The following LAMA2 variants were observed in gnomAD, a reference collection of about 807,000 sequenced individuals.
The protein encoded by LAMA2 is laminin subunit alpha 2.
Under a neutral mutation model 364.8 loss-of-function variants are expected in LAMA2, and 269 were observed. That is an observed-to-expected ratio of 0.74 (90% confidence interval 0.67 to 0.82). The LOEUF is 0.82. Among genes scored for constraint, LAMA2 ranks in the 40% least tolerant of loss-of-function variants. The pLI, the probability that LAMA2 is intolerant of heterozygous loss-of-function variation, is 0.00. For synonymous variants in LAMA2, 1,379 were observed against 1,370.6 expected (o/e 1.01, Z -0.14); for missense variants, 3,807 against 3,873.2 (o/e 0.98, Z 0.45).
rs1489199466 is a variant in LAMA2 at position 129,391,487 on chromosome 6, G to A, written c.5072-4G>A. ...ATTTACAAAATTTGTTTTACCCCCTGCAGCTGTAAATGAAAAAGCTATAAA... is the reference window on the plus strand; with the variant it reads ...ATTTACAAAATTTGTTTTACCCCCTACAGCTGTAAATGAAAAAGCTATAAA... On this transcript the variant is annotated splice_region_variant and splice_polypyrimidine_tract_variant and intron_variant, in intron 35 of 64. Transcript: ENST00000421865. 1.2e-6 allele frequency: 2 copies of A among 1,612,532 alleles called. No individual in the cohort carries two copies. Among genetic ancestry groups the A allele is most frequent in the African/African-American group, 2.7e-5 (2 of 74,848 alleles).
chr6:129,408,560 A>T (rs1332972265), intron 40 of LAMA2, among the ~76,000 whole-genome samples: 1 of 152,170 alleles, frequency 6.6e-6, no homozygotes, highest in Admixed American at 6.5e-5. Flanking sequence ...CATATCCAGA[A>T]TAAGTGCCTA....
chr6:129,248,477 G>A (rs911863125), intron 12 of LAMA2, among the ~76,000 whole-genome samples: 2 of 152,018 alleles, frequency 1.3e-5, no homozygotes, highest in African/African-American at 4.8e-5. Context: ...AATTCAAAAT[G>A]TATTTTATTT....
At chr6:129,466,218 G>T (rs757615300) in intron 51 of LAMA2, among the ~76,000 whole-genome samples, 8 of 151,906 alleles carry the variant, frequency 5.3e-5, no homozygotes, top group Non-Finnish European at 8.8e-5. Context: ...TGGGGAGATA[G>T]ACAAGTATCA....
intron 41 of LAMA2, among the ~76,000 whole-genome samples, chr6:129,433,337 C>T (rs1781689834): frequency 6.6e-6 from 1 of 152,186 alleles, no homozygotes; most frequent in Non-Finnish European, 1.5e-5. Context: ...TTGTAGATTT[C>T]AACTTCTATT....
At chr6:129,100,077 TAAGC>T (rs1775432407) in intron 4 of LAMA2, among the ~76,000 whole-genome samples, 1 of 152,208 alleles carries the variant, frequency 6.6e-6, no homozygotes, top group South Asian at 2.1e-4. Flanking sequence ...AGAAATTTAT[TAAGC>T]AATATAAAAT....
At chr6:128,904,563 T>G (rs1429384112) in intron 1 of LAMA2, among the ~76,000 whole-genome samples, 1 of 150,946 alleles carries the variant, frequency 6.6e-6, no homozygotes, top group Non-Finnish European at 1.5e-5. Flanking sequence ...CAAGTGATTC[T>G]CCTGCCTCAG....
intron 1 of LAMA2, among the ~76,000 whole-genome samples, chr6:128,917,706 T>TTTTTTTCTTTC (rs1554322937): frequency 2.6e-3 from 256 of 98,328 alleles, no homozygotes; most frequent in Middle Eastern, 7.7e-3. Flanking sequence ...TTTCTTTTTT[T>TTTTTTTCTTTC]TTTCTTTCTT....
chr6:129,006,738 C>T (rs958973165), intron 1 of LAMA2, among the ~76,000 whole-genome samples: 5 of 151,988 alleles, frequency 3.3e-5, no homozygotes, highest in Admixed American at 2.6e-4. Flanking sequence ...AGTATAAAAT[C>T]GTACTGAAAC....
intron 1 of LAMA2, among the ~76,000 whole-genome samples, chr6:128,940,895 G>C (rs992298946): frequency 1.3e-5 from 2 of 152,270 alleles, no homozygotes; most frequent in East Asian, 1.9e-4. Context: ...AGGCTGCAGC[G>C]TGCTGAGATC....
At position 129,161,963 on chromosome 6, in the gene LAMA2, G is replaced by A. The variant is rs573779660; in HGVS notation, c.1207-3613G>A. On this transcript the variant is annotated intron_variant, in intron 8 of 64. Transcript: ENST00000421865. ...TGTGAATAGGGCTGCAATGAACATA[G>A]GCATGCATGTGGCTTTATGATAGAA... is the stretch of plus-strand genomic sequence containing the variant. Among the ~76,000 whole-genome samples, 6 of 152,244 alleles carry A rather than the reference G, an allele frequency of 3.9e-5. No individual in the cohort carries two copies. In the East Asian group the frequency reaches 1.2e-3, roughly 29 times the overall value.
intron 2 of LAMA2, among the ~76,000 whole-genome samples, chr6:129,057,717 G>C (rs1474384602): frequency 5.3e-5 from 8 of 152,136 alleles, no homozygotes; most frequent in Non-Finnish European, 1.2e-4. Flanking sequence ...AGGAATATCA[G>C]CTACCCGTGT....
chr6:129,095,848 G>A (rs1484305259), intron 3 of LAMA2, among the ~76,000 whole-genome samples: 1 of 151,890 alleles, frequency 6.6e-6, no homozygotes, highest in African/African-American at 2.4e-5. Flanking sequence ...GCTTGAACCT[G>A]GGAGGCAGAG....
At chr6:129,108,036 T>A (rs1390311021) in intron 4 of LAMA2, among the ~76,000 whole-genome samples, 2 of 152,082 alleles carry the variant, frequency 1.3e-5, no homozygotes, top group Non-Finnish European at 2.9e-5. Context: ...AAAAATTCTT[T>A]ACCTTTTAGC....
chr6:128,962,631 A>G (rs931586918), intron 1 of LAMA2, among the ~76,000 whole-genome samples: 1 of 152,178 alleles, frequency 6.6e-6, no homozygotes, highest in African/African-American at 2.4e-5. Flanking sequence ...ATTGCTCATT[A>G]GGCATGTGCT....
At chr6:129,312,131 C>G (rs1292757356) in intron 22 of LAMA2, among the ~76,000 whole-genome samples, 1 of 146,712 alleles carries the variant, frequency 6.8e-6, no homozygotes, top group African/African-American at 2.6e-5. Context: ...ACTGAAAGAA[C>G]TATGTTCCAG....
intron 13 of LAMA2, among the ~76,000 whole-genome samples, chr6:129,251,064 CTCTCTCTCTCTCTATATATATATA>C (rs1786178284): frequency 1.4e-5 from 1 of 69,096 alleles, no homozygotes; most frequent in Non-Finnish European, 3.2e-5. Context: ...CTCTCTCTCT[CTCTCTCTCTCTCTATATATATATA>C]TATATATATA....
chr6:129,110,243 A>G (rs1190005583), intron 4 of LAMA2, among the ~76,000 whole-genome samples: 1 of 152,074 alleles, frequency 6.6e-6, no homozygotes, highest in Non-Finnish European at 1.5e-5. Flanking sequence ...ACTGTGAAGC[A>G]GGAACAATAT....
chr6:129,490,421 A>AC (rs1225608498), intron 56 of LAMA2, among the ~76,000 whole-genome samples: 5 of 152,232 alleles, frequency 3.3e-5, no homozygotes, highest in African/African-American at 1.2e-4. Flanking sequence ...AATAAGGGTC[A>AC]CTATGATGGT....
chr6:128,884,975 T>C (rs941841921), intron 1 of LAMA2, among the ~76,000 whole-genome samples: 2 of 152,152 alleles, frequency 1.3e-5, no homozygotes, highest in Non-Finnish European at 2.9e-5. Flanking sequence ...TCCCTTCTTA[T>C]TTACTCTCTT....
Sources: gnomAD v4.1 joint callset for allele counts (sites outside exome capture counted in the v4.1 genomes callset) on GRCh38, gnomAD v4.1.1 for gene constraint, MANE v1.5 for transcripts, NCBI Gene and HGNC (gene_info 2026-07-23, HGNC 2026-07-21) for gene names.